NKD1: variants seen among roughly 807,000 people sequenced by gnomAD.
NKD1 encodes the protein protein naked cuticle homolog 1.
A neutral mutation model predicts 56.0 loss-of-function variants in NKD1; 21 were observed. The ratio of observed to expected loss-of-function variants is 0.38; its 90% CI spans 0.27 to 0.54. NKD1 has a LOEUF of 0.54. NKD1 is among the 20% of genes least tolerant of loss of function. NKD1 has a pLI of 0.82. For missense variants in NKD1, 578 were observed against 642.7 expected (o/e 0.90, Z 1.09); for synonymous variants, 263 against 265.7 (o/e 0.99, Z 0.10).
At chr16:50,616,171 C>T (rs1961956304) in intron 4 of NKD1, 1 of 430,744 alleles carries the variant, frequency 2.3e-6, no homozygotes, top group Non-Finnish European at 4.8e-6. Flanking sequence ...GGGCGAGCAT[C>T]CAGACTCTAG....
Position 50,625,458 on chromosome 16 carries a change from C to A in NKD1, c.367-27C>A, listed in dbSNP as rs367723254. On this transcript the variant is annotated intron_variant, in intron 5 of 9. Transcript: ENST00000268459. ...GTCAGTGTTGCCACAGATAGGGGACCAGCCCCGCCCATCTCTCTGCATCCA... is the reference window on the plus strand; with the variant it reads ...GTCAGTGTTGCCACAGATAGGGGACAAGCCCCGCCCATCTCTCTGCATCCA... 17 of 1,536,106 alleles carry A rather than the reference C, an allele frequency of 1.1e-5. No individual in the cohort carries two copies. The East Asian group carries it at 2.9e-4, about 26-fold the overall frequency.
intron 3 of NKD1, among the ~76,000 whole-genome samples, chr16:50,594,958 C>T (rs1048947760): frequency 5.3e-5 from 8 of 152,204 alleles, no homozygotes; most frequent in African/African-American, 7.2e-5. Flanking sequence ...GAGAAGTCCA[C>T]GCAGCATTCC....
At chr16:50,586,560 G>A (rs1961235061) in intron 3 of NKD1, among the ~76,000 whole-genome samples, 1 of 152,172 alleles carries the variant, frequency 6.6e-6, no homozygotes, top group Non-Finnish European at 1.5e-5. Flanking sequence ...TGAGACCACA[G>A]AGGTTTCCTA....
intron 3 of NKD1, among the ~76,000 whole-genome samples, chr16:50,589,139 G>A (rs541898397): frequency 6.6e-5 from 10 of 152,224 alleles, no homozygotes; most frequent in African/African-American, 2.4e-4. Context: ...GATCTTCCTC[G>A]TTGCGCGGTG....
Position 50,634,206 on chromosome 16 carries a change from T to G in NKD1, c.*425T>G, listed in dbSNP as rs1962419014. 6.1e-6 allele frequency: 1 copy of G among 162,974 alleles called. No individual in the cohort carries two copies. Among genetic ancestry groups the G allele is most frequent in the South Asian group, 2.0e-4 (1 of 4,968 alleles). 10.1% of individuals were successfully genotyped at this position (162,974 alleles called of 1,614,324 possible). A position where few individuals can be genotyped will look rare whatever the true frequency, so the allele number is the denominator to read the frequency against. On this transcript the variant is annotated 3_prime_UTR_variant, in exon 10 of 10. Coordinates refer to ENST00000268459, the MANE Select transcript of NKD1 (RefSeq NM_033119.5). ...CGAAATCTCCGAGAAGATAAACAGC[T>G]GCTACCTCTTAGTATTATTCTGATT...
At chr16:50,617,706 A>C (rs575928161) in intron 4 of NKD1, among the ~76,000 whole-genome samples, 2 of 152,326 alleles carry the variant, frequency 1.3e-5, no homozygotes, top group South Asian at 4.1e-4. Flanking sequence ...ATATGGGCTG[A>C]CAATAGGCCT....
chr16:50,591,864 A>G (rs1159303330), intron 3 of NKD1, among the ~76,000 whole-genome samples: 6 of 152,376 alleles, frequency 3.9e-5, no homozygotes, highest in African/African-American at 9.6e-5. Context: ...ACCTCAGGCT[A>G]TATGCCTGGC....
intron 3 of NKD1, among the ~76,000 whole-genome samples, chr16:50,569,507 ATCTTTGT>A (rs1237178051): frequency 6.6e-6 from 1 of 152,088 alleles, no homozygotes; most frequent in Non-Finnish European, 1.5e-5. Context: ...CTTTGCTAAC[ATCTTTGT>A]TCTGCCCTGG....
intron 3 of NKD1, chr16:50,555,918 A>G (rs1960492297): frequency 6.6e-6 from 1 of 151,974 alleles, no homozygotes; most frequent in Admixed American, 6.6e-5. Context: ...TCTCTCACAG[A>G]CGTTCTTTCT....
chr16:50,549,388 C>T, intron 2 of NKD1, 34 bp from the exon 3 acceptor site: 2 of 1,602,010 alleles, frequency 1.2e-6, no homozygotes, highest in Non-Finnish European at 1.7e-6. Context: ...CACCTGGAGC[C>T]AGACTCAGGG....
At chr16:50,581,405 C>A (rs545920783) in intron 3 of NKD1, among the ~76,000 whole-genome samples, 46 of 152,324 alleles carry the variant, frequency 3.0e-4, no homozygotes, top group African/African-American at 1.1e-3. Flanking sequence ...GCTTCTCTGG[C>A]CAGGGAGTCC....
intron 3 of NKD1, among the ~76,000 whole-genome samples, chr16:50,591,849 A>G (rs1250263197): frequency 6.6e-6 from 1 of 152,206 alleles, no homozygotes; most frequent in Non-Finnish European, 1.5e-5. Context: ...TTCTCCAGGT[A>G]ATTGACCTCA....
At chr16:50,574,600 C>T in intron 3 of NKD1, 1 of 985,434 alleles carries the variant, frequency 1.0e-6, no homozygotes, top group Non-Finnish European at 1.2e-6. Context: ...GCTGGCCTCG[C>T]AGGCCTGGCC....
At chr16:50,609,865 T>A (rs1280546425) in intron 4 of NKD1, among the ~76,000 whole-genome samples, 1 of 152,166 alleles carries the variant, frequency 6.6e-6, no homozygotes, top group Non-Finnish European at 1.5e-5. Context: ...GTGCATACAG[T>A]CTGGTATCTT....
chr16:50,594,472 G>A (rs1961432932), intron 3 of NKD1, among the ~76,000 whole-genome samples: 1 of 152,250 alleles, frequency 6.6e-6, no homozygotes, highest in African/African-American at 2.4e-5. Flanking sequence ...TCACGTGCTA[G>A]TGATTCACTC....
At position 50,638,523 on chromosome 16, in the gene NKD1, C is replaced by T. The variant is rs1256929806; in HGVS notation, c.*4742C>T. ...CAAAGACAGATGTTTCAGCCACACG[C>T]TTTATTAACTTCTAAAACCTGTGCT... On this transcript the variant is annotated 3_prime_UTR_variant, in exon 10 of 10. Coordinates refer to ENST00000268459, the MANE Select transcript of NKD1 (RefSeq NM_033119.5). 3 of 152,220 alleles carry T rather than the reference C, an allele frequency of 2.0e-5. No individual in the cohort carries two copies. Among genetic ancestry groups the T allele is most frequent in the Non-Finnish European group, 4.4e-5 (3 of 68,068 alleles). 9.4% of individuals were successfully genotyped at this position (152,220 alleles called of 1,614,324 possible).
At chr16:50,603,376 A>C (rs1961640361) in intron 3 of NKD1, among the ~76,000 whole-genome samples, 1 of 152,204 alleles carries the variant, frequency 6.6e-6, no homozygotes, top group East Asian at 1.9e-4. Flanking sequence ...GCCAGGCTGC[A>C]GCCTCAGTGT....
At chr16:50,620,229 A>G (rs1020169238) in intron 4 of NKD1, among the ~76,000 whole-genome samples, 8 of 152,274 alleles carry the variant, frequency 5.3e-5, no homozygotes, top group Non-Finnish European at 1.5e-5. Flanking sequence ...GGACCAGAGC[A>G]GAGCAGGAGA....
At position 50,574,448 on chromosome 16, in the gene NKD1, T is replaced by C. The variant is rs1371015130; in HGVS notation, c.192+24893T>C. On this transcript the variant is annotated intron_variant, in intron 3 of 9. Transcript: ENST00000268459. ...CCCCAGGGACTAAATTTAGGATTCCTTGGGACTTGGCTGGGCCTCATCTTG... is the reference window on the plus strand; with the variant it reads ...CCCCAGGGACTAAATTTAGGATTCCCTGGGACTTGGCTGGGCCTCATCTTG... The C allele has an allele frequency of 8.1e-6, 8 of 985,352 alleles. No homozygotes were observed. The East Asian group carries it at 6.8e-4, about 84-fold the overall frequency. The allele number at this position is 985,352 out of a possible 1,614,324, so 61.0% of individuals were successfully genotyped here.
Sources: gnomAD v4.1 joint callset for allele counts (sites outside exome capture counted in the v4.1 genomes callset) on GRCh38, gnomAD v4.1.1 for gene constraint, MANE v1.5 for transcripts, NCBI Gene and HGNC (gene_info 2026-07-23, HGNC 2026-07-21) for gene names.